The following RNF43 variants were observed in gnomAD, a reference collection of about 807,000 sequenced individuals.
RNF43 encodes E3 ubiquitin-protein ligase RNF43.
In RNF43, 37 loss-of-function variants were observed where a neutral mutation model predicts 78.4. That is an observed-to-expected ratio of 0.47 (90% CI 0.36 to 0.62). The LOEUF (loss-of-function observed/expected upper bound fraction) is 0.62, where lower values mean the gene tolerates loss of function less well. RNF43 is among the 20% of genes least tolerant of loss of function. The probability of loss-of-function intolerance (pLI) is 0.00; values close to 1 mark genes in which losing one functional copy is unlikely to be tolerated. For missense variants in RNF43, 774 were observed against 1,007.9 expected (o/e 0.77, Z 3.14); for synonymous variants, 347 against 395.0 (o/e 0.88, Z 1.44).
At chr17:58,381,136 T>C (rs1567885418) in intron 2 of RNF43, among the ~76,000 whole-genome samples, 1 of 151,910 alleles carries the variant, frequency 6.6e-6, no homozygotes, top group Non-Finnish European at 1.5e-5. Flanking sequence ...AAGAAAACAA[T>C]AAAGGATCAT....
At position 58,360,057 on chromosome 17, in the gene RNF43, C is replaced by T. The variant is rs1404039431; in HGVS notation, c.952+92G>A. ...ACTATGGTGGCAGTTCTGCTTTCTC[C>T]CCAGCTTCAAGGCTGCAACCCTTTC... On this transcript the variant is annotated intron_variant, in intron 8 of 9. Transcript: ENST00000407977. This position sits in a 1 kb window ranked among gnomAD's most constrained non-coding sequence, Gnocchi z 4.3. 7.4e-6 allele frequency: 7 copies of T among 949,352 alleles called. No individual in the cohort carries two copies. In the Admixed American group the frequency reaches 1.3e-4, roughly 17 times the overall value. The allele number at this position is 949,352 out of a possible 1,614,324, so 58.8% of individuals were successfully genotyped here.
chr17:58,382,014 C>CA (rs1357560381), intron 2 of RNF43, among the ~76,000 whole-genome samples: 2 of 152,148 alleles, frequency 1.3e-5, no homozygotes. Context: ...CATGCCAGTT[C>CA]AAATTGGGCC....
chr17:58,377,666 CCCCA>C (rs1007555340), intron 2 of RNF43, among the ~76,000 whole-genome samples: 4 of 133,072 alleles, frequency 3.0e-5, no homozygotes, highest in Admixed American at 1.5e-4. Context: ...GAACTCTCCT[CCCCA>C]CCCACCCACC....
intron 2 of RNF43, among the ~76,000 whole-genome samples, chr17:58,391,344 G>C (rs758602278): frequency 6.6e-6 from 1 of 152,118 alleles, no homozygotes; most frequent in African/African-American, 2.4e-5. Context: ...ATTCCACACC[G>C]CCCAACACAT....
chr17:58,389,802 C>T (rs1168215929), intron 2 of RNF43, among the ~76,000 whole-genome samples: 2 of 152,206 alleles, frequency 1.3e-5, no homozygotes, highest in African/African-American at 2.4e-5. Context: ...TAAATATGAT[C>T]TAACACATGC....
At chr17:58,364,995 G>C (rs1972919564) in intron 3 of RNF43, among the ~76,000 whole-genome samples, 1 of 152,150 alleles carries the variant, frequency 6.6e-6, no homozygotes, top group Non-Finnish European at 1.5e-5. Flanking sequence ...GCCCTGTTTT[G>C]GTCAGGAAGG....
chr17:58,416,118 A>AT (rs546270964), intron 1 of RNF43, 156 bp from the exon 2 acceptor site: 332 of 162,334 alleles, frequency 2.0e-3, no homozygotes, highest in Middle Eastern at 9.8e-3. Context: ...CCACAAGGAG[A>AT]TTTTTTTTTT....
intron 2 of RNF43, among the ~76,000 whole-genome samples, chr17:58,372,564 G>C (rs534115177): frequency 6.6e-6 from 1 of 152,172 alleles, no homozygotes; most frequent in African/African-American, 2.4e-5. Flanking sequence ...CTGCCAGCAC[G>C]GAAGGCCCCC....
chr17:58,385,422 G>A (rs7211294), intron 2 of RNF43, among the ~76,000 whole-genome samples: 32,612 of 151,958 alleles, frequency 0.21, 3,775 homozygotes, highest in South Asian at 0.33. Context: ...TTCAGTTAAC[G>A]GCACCACCAT....
rs752403399 is a variant in RNF43 at position 58,415,415 on chromosome 17, T to C, written c.163A>G (p.Met55Val). ...AGATTCAGTTTTCCTGTGGGGTCCA[T>C]TTTCAAGGGGATCACTCTGATAATA... ...KAIIRVIPLK[M>V]DPTGKLNLTL... Residue 55 changes from methionine (M) to valine (V), a missense_variant, in exon 2 of 10, where the codon ATG (methionine) becomes GTG (valine). Transcript: ENST00000407977. 4 of 1,614,212 alleles carry C rather than the reference T, an allele frequency of 2.5e-6. No homozygotes were observed. The South Asian group carries it at 4.4e-5, about 18-fold the overall frequency.
chr17:58,415,930 A>T lies in RNF43; in HGVS notation c.-353T>A, dbSNP rs1279781006. 5 of 357,770 alleles carry T rather than the reference A, an allele frequency of 1.4e-5. No homozygotes were observed. The highest frequency in any genetic ancestry group is 2.6e-5 in the Non-Finnish European group (5 of 192,172). The allele number at this position is 357,770 out of a possible 1,614,324, so 22.2% of individuals were successfully genotyped here. A position where few individuals can be genotyped will look rare whatever the true frequency, so the allele number is the denominator to read the frequency against. On this transcript the variant is annotated 5_prime_UTR_variant, in exon 2 of 10. It removes an upstream start codon present in the reference 5' UTR. Transcript: ENST00000407977. ...TTTGTATTATGTCAGATCACTTGGCATTGCTCTTCCATATGCATCAAGTTG... is the reference window on the plus strand; with the variant it reads ...TTTGTATTATGTCAGATCACTTGGCTTTGCTCTTCCATATGCATCAAGTTG...
rs770217092 is a variant in RNF43 at position 58,358,241 on chromosome 17, C to T, written c.1535G>A (p.Ser512Asn). The change falls in exon 9 of 10, where the codon AGC becomes AAC. Residue 512 changes from serine to asparagine, a missense_variant. Transcript: ENST00000407977. The surrounding 1 kb of genome is among the most constrained non-coding windows in gnomAD (Gnocchi z 6.2). ...CACTCGCTGGGGATCCCCTTTAGGG[C>T]TGCAGTACACTAGGGGGTCAAAGTC... ...SSDFDPLVYC[S>N]PKGDPQRVDM... 6.2e-7 allele frequency: 1 copy of T among 1,613,722 alleles called. No homozygotes were observed. Among genetic ancestry groups the T allele is most frequent in the African/African-American group, 1.3e-5 (1 of 74,882 alleles).
At chr17:58,384,695 TGACA>T (rs1481131156) in intron 2 of RNF43, among the ~76,000 whole-genome samples, 1 of 152,140 alleles carries the variant, frequency 6.6e-6, no homozygotes, top group African/African-American at 2.4e-5. Flanking sequence ...AAGGGAGACT[TGACA>T]GACCACAGGA....
chr17:58,363,651 C>A (rs1598134144), intron 3 of RNF43, 51 bp from the exon 4 acceptor site: 1 of 1,522,660 alleles, frequency 6.6e-7, no homozygotes. Context: ...AGGACAGAGC[C>A]CACCCACAGG....
chr17:58,368,460 T>C (rs969688360), intron 3 of RNF43, among the ~76,000 whole-genome samples: 5 of 152,062 alleles, frequency 3.3e-5, no homozygotes, highest in Non-Finnish European at 7.4e-5. Flanking sequence ...AGGTAGAGAA[T>C]TGCTTGAACC....
At chr17:58,371,409 G>T (rs1373427936) in intron 2 of RNF43, among the ~76,000 whole-genome samples, 2 of 152,224 alleles carry the variant, frequency 1.3e-5, no homozygotes, top group Non-Finnish European at 2.9e-5. Flanking sequence ...CCTTCTACCT[G>T]CTCCCCAAGC....
At chr17:58,410,903 C>T (rs890558691) in intron 2 of RNF43, among the ~76,000 whole-genome samples, 16 of 152,112 alleles carry the variant, frequency 1.1e-4, no homozygotes, top group Admixed American at 2.6e-4. Context: ...ATTTTTTATA[C>T]AAAGCCTATA....
intron 2 of RNF43, among the ~76,000 whole-genome samples, chr17:58,382,911 T>C (rs989003066): frequency 6.6e-6 from 1 of 152,232 alleles, no homozygotes; most frequent in Non-Finnish European, 1.5e-5. Context: ...TACTCTCTTG[T>C]CATTTTGGGC....
intron 2 of RNF43, among the ~76,000 whole-genome samples, chr17:58,405,298 C>T (rs893506813): frequency 8.6e-5 from 13 of 151,766 alleles, no homozygotes; most frequent in East Asian, 5.8e-4. Flanking sequence ...AGGATGGTCT[C>T]GATCTCCTGA....
Sources: allele counts gnomAD v4.1 joint callset (sites outside exome capture counted in the v4.1 genomes callset), GRCh38; gene constraint gnomAD v4.1.1; non-coding constraint Gnocchi (gnomAD v3.1); transcripts MANE v1.5; gene names NCBI Gene and HGNC (gene_info 2026-07-23, HGNC 2026-07-21).